The following DIP2A variants were observed in gnomAD, a reference collection of about 807,000 sequenced individuals.
DIP2A encodes disco-interacting protein 2 homolog A.
DIP2A carries 85 observed loss-of-function variants against 177.4 expected under a neutral mutation model. The ratio of observed to expected loss-of-function variants is 0.48; its 90% CI spans 0.40 to 0.57. The LOEUF (loss-of-function observed/expected upper bound fraction) is 0.57, where lower values mean the gene tolerates loss of function less well. Ranked by LOEUF, DIP2A falls within the 20% of genes least tolerant of loss-of-function variation. The pLI, the probability that DIP2A is intolerant of heterozygous loss-of-function variation, is 0.00. For missense variants in DIP2A, 1,791 were observed against 2,100.2 expected (o/e 0.85, Z 2.88); for synonymous variants, 886 against 881.8 (o/e 1.00, Z -0.08).
intron 7 of DIP2A, among the ~76,000 whole-genome samples, chr21:46,510,036 G>A (rs2330592): frequency 0.84 from 127,091 of 152,190 alleles, 53,384 homozygotes; most frequent in African/African-American, 0.92. Flanking sequence ...CTAGAGGGAC[G>A]GAACTAATAG....
chr21:46,493,078 G>A (rs1333241613), intron 3 of DIP2A, among the ~76,000 whole-genome samples: 1 of 152,028 alleles, frequency 6.6e-6, no homozygotes, highest in East Asian at 1.9e-4. Flanking sequence ...GAGGCACCTT[G>A]ATCTTGGACA....
At chr21:46,494,694 T>C (rs1199049439) in intron 3 of DIP2A, among the ~76,000 whole-genome samples, 4 of 152,258 alleles carry the variant, frequency 2.6e-5, no homozygotes, top group African/African-American at 9.6e-5. Flanking sequence ...TGGCAACCAA[T>C]TGATTGCGTT....
chr21:46,518,714 G>A (rs992299707), intron 8 of DIP2A, among the ~76,000 whole-genome samples: 4 of 152,134 alleles, frequency 2.6e-5, no homozygotes, highest in African/African-American at 4.8e-5. Context: ...AAAATCAGCC[G>A]GGTGTGGTGG....
At chr21:46,540,311 G>A (rs1285138941) in intron 17 of DIP2A, among the ~76,000 whole-genome samples, 1 of 152,216 alleles carries the variant, frequency 6.6e-6, no homozygotes, top group African/African-American at 2.4e-5. Flanking sequence ...CTCTGAGGCA[G>A]GTGTCGGTCA....
intron 3 of DIP2A, among the ~76,000 whole-genome samples, chr21:46,495,244 T>TTCTTTCTC (rs2057274679): frequency 1.8e-3 from 70 of 38,142 alleles, no homozygotes; most frequent in East Asian, 0.012. Flanking sequence ...CTTCTCTTCT[T>TTCTTTCTC]TCTCTCTCTC....
chr21:46,548,020 A>T (rs1436528643), intron 21 of DIP2A, among the ~76,000 whole-genome samples: 2 of 152,014 alleles, frequency 1.3e-5, no homozygotes, highest in Non-Finnish European at 2.9e-5. Flanking sequence ...GCCAGGTCAG[A>T]CCCTGCCTTT....
At chr21:46,501,476 G>A (rs1427222444) in intron 5 of DIP2A, among the ~76,000 whole-genome samples, 1 of 151,916 alleles carries the variant, frequency 6.6e-6, no homozygotes, top group Non-Finnish European at 1.5e-5. Context: ...CTGGAGTACA[G>A]TGGCATGATC....
chr21:46,583,270 G>A, the DIP2A span, among the ~76,000 whole-genome samples: 1 of 152,062 alleles, frequency 6.6e-6, no homozygotes, highest in African/African-American at 2.4e-5. Flanking sequence ...AATAAGAGTT[G>A]GAGACTTCAA....
chr21:46,555,113 A>T (rs1243629768), intron 28 of DIP2A, among the ~76,000 whole-genome samples, 180 bp downstream of exon 28: 1 of 152,106 alleles, frequency 6.6e-6, no homozygotes, highest in African/African-American at 2.4e-5. Flanking sequence ...CCCATGTGTA[A>T]ACCCACGCTC....
At position 46,547,059 on chromosome 21, in the gene DIP2A, C is replaced by T. The variant is rs775497023; in HGVS notation, c.2522+17C>T. On this transcript the variant is annotated intron_variant, in intron 21 of 37. Coordinates refer to ENST00000417564, the MANE Select transcript of DIP2A (RefSeq NM_015151.4). ...CAGAGGCAGGTGATGCGCTGCGGACCCCCACGCCGGGAGTAGATTCCTTCA... is the reference window on the plus strand; with the variant it reads ...CAGAGGCAGGTGATGCGCTGCGGACTCCCACGCCGGGAGTAGATTCCTTCA... The T allele has an allele frequency of 6.2e-7, 1 of 1,610,008 alleles. No individual in the cohort carries two copies. The highest frequency in any genetic ancestry group is 1.1e-5 in the South Asian group (1 of 90,914).
chr21:46,500,333 C>G (rs1453603088), intron 5 of DIP2A, among the ~76,000 whole-genome samples: 1 of 152,186 alleles, frequency 6.6e-6, no homozygotes, highest in Non-Finnish European at 1.5e-5. Flanking sequence ...ACAGCCTGCT[C>G]AGATTGTTTC....
chr21:46,557,602 A>G lies in DIP2A; in HGVS notation c.3647A>G (p.Gln1216Arg). The G allele has an allele frequency of 1.2e-6, 2 of 1,612,862 alleles. No homozygotes were observed. Among genetic ancestry groups the G allele is most frequent in the Non-Finnish European group, 1.7e-6 (2 of 1,179,484 alleles). ...TCTCGCAGTGTCTACTCGGGACACC[A>G]ATCAGTGCTGGTGCCCCCGCTGGAG... ...WCLCSVYSGH[Q>R]SVLVPPLELE... Residue 1216 changes from glutamine to arginine, a missense_variant, in exon 31 of 38, where the codon CAA becomes CGA. Coordinates refer to ENST00000417564, the MANE Select transcript of DIP2A (RefSeq NM_015151.4). The surrounding 1 kb of genome is among the most constrained non-coding windows in gnomAD (Gnocchi z 6.0).
At chr21:46,480,335 A>G (rs138960309) in intron 1 of DIP2A, among the ~76,000 whole-genome samples, 29 of 152,244 alleles carry the variant, frequency 1.9e-4, no homozygotes, top group African/African-American at 6.5e-4. Context: ...GAGACTTACT[A>G]TCCGGAGAAC....
intron 36 of DIP2A, 85 bp from the exon 37 acceptor site, chr21:46,566,475 C>T: frequency 1.3e-6 from 2 of 1,571,846 alleles, no homozygotes; most frequent in Admixed American, 3.5e-5. Context: ...TGCCTGAGAG[C>T]CCCTGGTTGG....
rs987392185 is a variant in DIP2A at position 46,459,176 on chromosome 21, C to T, written c.45C>T (p.Ala15=). ...CGCTGGAGGCGGCGCCGCTGCCTGC[C>T]GAGGTGCGGGAGAGCCTGGCTGAGC... ...GCPLEAAPLP[A]EVRESLAELE... Residue 15 remains alanine (A), a synonymous_variant, in exon 1 of 38, where the codon GCC becomes GCT. Transcript: ENST00000417564. 2 of 1,523,796 alleles carry T rather than the reference C, an allele frequency of 1.3e-6. No homozygotes were observed. The highest frequency in any genetic ancestry group is 1.2e-5 in the South Asian group (1 of 81,964). The allele number at this position is 1,523,796 out of a possible 1,614,324, so 94.4% of individuals were successfully genotyped here.
chr21:46,471,016 GT>G (rs1267790309), intron 1 of DIP2A, among the ~76,000 whole-genome samples: 2 of 151,788 alleles, frequency 1.3e-5, no homozygotes, highest in Non-Finnish European at 2.9e-5. Flanking sequence ...TTAGGGTTAA[GT>G]TAATGGGAAA....
intron 2 of DIP2A, among the ~76,000 whole-genome samples, chr21:46,485,236 TTG>T (rs3060302): frequency 0.41 from 61,016 of 148,806 alleles, 12,313 homozygotes; most frequent in African/African-American, 0.43. Flanking sequence ...TCAATAGGTT[TTG>T]TGTGTGTGTG....
At chr21:46,564,406 G>T (rs773326687) in intron 35 of DIP2A, among the ~76,000 whole-genome samples, 1 of 152,226 alleles carries the variant, frequency 6.6e-6, no homozygotes, top group Non-Finnish European at 1.5e-5. Context: ...AGTGGAGGGT[G>T]CGGGTCTCCC....
intron 1 of DIP2A, among the ~76,000 whole-genome samples, chr21:46,466,342 CTTTTTT>C (rs71187318): frequency 1.1e-5 from 1 of 89,570 alleles, no homozygotes; most frequent in Non-Finnish European, 2.1e-5. Flanking sequence ...TACATTATAA[CTTTTTT>C]TTTTTTTTTT....
Sources: allele counts gnomAD v4.1 joint callset (sites outside exome capture counted in the v4.1 genomes callset), GRCh38; gene constraint gnomAD v4.1.1; non-coding constraint Gnocchi (gnomAD v3.1); transcripts MANE v1.5; gene names NCBI Gene and HGNC (gene_info 2026-07-23, HGNC 2026-07-21).